The following KCNK13 variants were observed in gnomAD, a reference collection of about 807,000 sequenced individuals.
KCNK13 encodes potassium two pore domain channel subfamily K member 13, also known as potassium channel subfamily K member 13.
KCNK13 carries 12 observed loss-of-function variants against 23.4 expected under a neutral mutation model. The observed-to-expected ratio is 0.51, with a 90% CI of 0.33 to 0.83. KCNK13 has a LOEUF of 0.83. Ranked by LOEUF, KCNK13 falls within the 40% of genes least tolerant of loss-of-function variation. The pLI, the probability that KCNK13 is intolerant of heterozygous loss-of-function variation, is 0.02. For missense variants in KCNK13, 463 were observed against 556.3 expected (o/e 0.83, Z 1.69); for synonymous variants, 231 against 229.5 (o/e 1.01, Z -0.06).
At chr14:90,161,669 C>T (rs775890237) in intron 1 of KCNK13, among the ~76,000 whole-genome samples, 2 of 152,082 alleles carry the variant, frequency 1.3e-5, no homozygotes, top group African/African-American at 2.4e-5. Flanking sequence ...TGGAAAAACT[C>T]GGTTTGGTAA....
chr14:90,143,166 T>TCTTC (rs1890030651), intron 1 of KCNK13, among the ~76,000 whole-genome samples: 2 of 18,296 alleles, frequency 1.1e-4, no homozygotes, highest in Non-Finnish European at 2.9e-4. Flanking sequence ...TTTCTTTCTT[T>TCTTC]CTTTCTTTCT....
intron 1 of KCNK13, among the ~76,000 whole-genome samples, chr14:90,164,830 A>G (rs1424890250): frequency 2.6e-5 from 4 of 152,214 alleles, no homozygotes; most frequent in Non-Finnish European, 4.4e-5. Flanking sequence ...TGACTTTCAA[A>G]TGGGATTTCT....
chr14:90,092,912 C>CAAAAAAAAAAAAAA (rs34122207), intron 1 of KCNK13, among the ~76,000 whole-genome samples: 1 of 78,306 alleles, frequency 1.3e-5, no homozygotes, highest in African/African-American at 4.7e-5. Flanking sequence ...ACCCTGTCTC[C>CAAAAAAAAAAAAAA]AAAAAAAAAA....
intron 1 of KCNK13, among the ~76,000 whole-genome samples, chr14:90,182,512 A>G (rs1441834783): frequency 5.3e-5 from 8 of 152,186 alleles, no homozygotes; most frequent in Non-Finnish European, 1.5e-5. Flanking sequence ...CAAGTTAGAA[A>G]TTTGAACTTG....
intron 1 of KCNK13, among the ~76,000 whole-genome samples, chr14:90,067,386 TTA>T (rs1889021744): frequency 6.6e-6 from 1 of 152,140 alleles, no homozygotes; most frequent in African/African-American, 2.4e-5. Flanking sequence ...ATGATTCCAT[TTA>T]TATGAGGTAC....
chr14:90,143,171 C>CTTTCTTTCTTTCTTTCT (rs1555352138), intron 1 of KCNK13, among the ~76,000 whole-genome samples: 4,794 of 123,642 alleles, frequency 0.039, 123 homozygotes, highest in East Asian at 0.071. Context: ...TTCTTTCTTT[C>CTTTCTTTCTTTCTTTCT]TTTCTTTTCT....
chr14:90,089,992 C>G (rs1357807831), intron 1 of KCNK13, among the ~76,000 whole-genome samples: 1 of 152,240 alleles, frequency 6.6e-6, no homozygotes, highest in Non-Finnish European at 1.5e-5. Context: ...GGGCGGGGCT[C>G]TCATGGAGAA....
chr14:90,115,021 T>C (rs1889659400), intron 1 of KCNK13, among the ~76,000 whole-genome samples: 3 of 152,166 alleles, frequency 2.0e-5, no homozygotes, highest in African/African-American at 7.2e-5. Flanking sequence ...TGCATTTAAA[T>C]CCAAAGTCCG....
chr14:90,082,274 A>C (rs1889222780), intron 1 of KCNK13, among the ~76,000 whole-genome samples: 1 of 150,610 alleles, frequency 6.6e-6, no homozygotes, highest in South Asian at 2.1e-4. Flanking sequence ...CATGTTGGCC[A>C]GGCTGGTCTT....
At chr14:90,097,962 G>A (rs1433493541) in intron 1 of KCNK13, among the ~76,000 whole-genome samples, 2 of 152,044 alleles carry the variant, frequency 1.3e-5, no homozygotes, top group Admixed American at 1.3e-4. Context: ...AAGCAAACAG[G>A]GAGAATTCAT....
chr14:90,162,983 C>G (rs1410379679), intron 1 of KCNK13, among the ~76,000 whole-genome samples: 1 of 152,040 alleles, frequency 6.6e-6, no homozygotes, highest in East Asian at 1.9e-4. Flanking sequence ...GCAGGCAAGT[C>G]ACAGAAGAAG....
intron 1 of KCNK13, among the ~76,000 whole-genome samples, chr14:90,121,285 T>G (rs1429830196): frequency 1.3e-5 from 2 of 152,192 alleles, no homozygotes; most frequent in Non-Finnish European, 2.9e-5. Context: ...AGAAGAATGT[T>G]TTGTAACAGG....
intron 1 of KCNK13, among the ~76,000 whole-genome samples, chr14:90,109,176 C>CAAAA (rs200541882): frequency 7.6e-6 from 1 of 131,290 alleles, no homozygotes. Context: ...GACTCCGTCT[C>CAAAA]AAAAAAAAAA....
Position 90,185,036 on chromosome 14 carries a change from G to A in KCNK13, c.*33G>A, listed in dbSNP as rs377544216. 1.5e-5 allele frequency: 23 copies of A among 1,508,380 alleles called. No homozygotes were observed. Among genetic ancestry groups the A allele is most frequent in the Non-Finnish European group, 2.0e-5 (23 of 1,130,628 alleles). The allele number at this position is 1,508,380 out of a possible 1,614,324, so 93.4% of individuals were successfully genotyped here. On this transcript the variant is annotated 3_prime_UTR_variant, in exon 2 of 2. Coordinates refer to ENST00000282146, the MANE Select transcript of KCNK13 (RefSeq NM_022054.4). The stretch of plus-strand genomic sequence containing the variant: ...GAGTGGATGCTGGGCAGAGGCCAGA[G>A]TAGAATGGAGGATGATTGCCGCCCA...
At chr14:90,177,670 G>A (rs1424399875) in intron 1 of KCNK13, among the ~76,000 whole-genome samples, 2 of 152,168 alleles carry the variant, frequency 1.3e-5, no homozygotes, top group Non-Finnish European at 2.9e-5. Context: ...GTGTGTGAAG[G>A]AGTGGTTCCT....
At chr14:90,128,255 T>A (rs1475832842) in intron 1 of KCNK13, among the ~76,000 whole-genome samples, 25 of 152,216 alleles carry the variant, frequency 1.6e-4, no homozygotes, top group Admixed American at 1.6e-3. Context: ...GGGAAAGATT[T>A]ACAATTTTCT....
At chr14:90,139,531 C>T (rs1038474658) in intron 1 of KCNK13, among the ~76,000 whole-genome samples, 15 of 150,860 alleles carry the variant, frequency 9.9e-5, no homozygotes, top group African/African-American at 3.4e-4. Context: ...AGCGTGGTGC[C>T]GTTGAAGGAT....
At chr14:90,083,471 T>C (rs1402996641) in intron 1 of KCNK13, among the ~76,000 whole-genome samples, 4 of 152,258 alleles carry the variant, frequency 2.6e-5, no homozygotes. Flanking sequence ...ATGGGTCTGC[T>C]GTGGTTTCAG....
intron 1 of KCNK13, among the ~76,000 whole-genome samples, chr14:90,168,388 G>T (rs963392453): frequency 1.1e-4 from 16 of 152,038 alleles, no homozygotes; most frequent in African/African-American, 3.9e-4. Context: ...AAAAGTGAGG[G>T]TTGCTTTTGC....
Sources: gnomAD v4.1 joint callset for allele counts (sites outside exome capture counted in the v4.1 genomes callset) on GRCh38, gnomAD v4.1.1 for gene constraint, MANE v1.5 for transcripts, NCBI Gene and HGNC (gene_info 2026-07-23, HGNC 2026-07-21) for gene names.